The following CTSZ variants were observed in gnomAD, a reference collection of about 807,000 sequenced individuals.
CTSZ encodes the protein cathepsin Z.
A neutral mutation model predicts 32.4 loss-of-function variants in CTSZ; 39 were observed. That is an observed-to-expected ratio of 1.20 (90% CI 0.93 to 1.57). CTSZ has a LOEUF of 1.57. Among genes scored for constraint, CTSZ ranks in the 40% most tolerant of loss-of-function variants. The pLI, the probability that CTSZ is intolerant of heterozygous loss-of-function variation, is 0.00. For synonymous variants in CTSZ, 168 were observed against 170.1 expected (o/e 0.99, Z 0.10); for missense variants, 397 against 419.6 (o/e 0.95, Z 0.47).
chr20:59,005,062 G>C lies in CTSZ; in HGVS notation c.307+1260C>G, dbSNP rs75055005. On this transcript the variant is annotated intron_variant, in intron 2 of 5. Transcript: ENST00000217131. ...TCAAAGGCTCTTTCACTTCCTCAGC[G>C]GGTGCCAGGCCTGGACACTTCCCCT... Among the ~76,000 whole-genome samples, 1,295 of 152,052 alleles carry C rather than the reference G, an allele frequency of 8.5e-3. 21 individuals are homozygous for C. Among genetic ancestry groups the C allele is most frequent in the African/African-American group, 0.03 (1,240 of 41,438 alleles).
chr20:59,006,168 G>T (rs2091907932), intron 2 of CTSZ, 154 bp downstream of exon 2: 4 of 1,003,540 alleles, frequency 4.0e-6, no homozygotes, highest in Non-Finnish European at 4.3e-6. Context: ...TCAGCAGAGG[G>T]CAAAGGCCCG....
rs146079415 is a variant in CTSZ at position 59,002,603 on chromosome 20, C to CGCT, written c.308-962_308-960dup. The stretch of plus-strand genomic sequence containing the variant: ...GACTCTCCCACACTGCCCCACAGTC[C>CGCT]GCTCCTCCACCTGGCCTCCTCCCGG... On this transcript the variant is annotated intron_variant, in intron 2 of 5. Transcript: ENST00000217131. The surrounding 1 kb of genome is among the most constrained non-coding windows in gnomAD (Gnocchi z 4.1). 8.9e-3 allele frequency among the ~76,000 whole-genome samples: 1,361 copies of CGCT among 152,218 alleles called. 21 individuals are homozygous for CGCT. Among genetic ancestry groups the CGCT allele is most frequent in the African/African-American group, 0.032 (1,310 of 41,524 alleles).
In CTSZ at chr20:58,995,382, G is replaced by C. The variant is rs2091852515; in HGVS notation, c.*267C>G. 1 of 394,480 alleles carries C rather than the reference G, an allele frequency of 2.5e-6. No homozygotes were observed. The highest frequency in any genetic ancestry group is 4.2e-5 in the East Asian group (1 of 24,032). The allele number at this position is 394,480 out of a possible 1,614,324, so 24.4% of individuals were successfully genotyped here. A position where few individuals can be genotyped will look rare whatever the true frequency, so the allele number is the denominator to read the frequency against. On this transcript the variant is annotated 3_prime_UTR_variant, in exon 6 of 6. Coordinates refer to ENST00000217131, the MANE Select transcript of CTSZ (RefSeq NM_001336.4). ...AAGTCCTCTGCTGAAGAAGACTGAGGTCCCATCGTTTCCTGTGTCGCAGGT... is the reference window on the plus strand; with the variant it reads ...AAGTCCTCTGCTGAAGAAGACTGAGCTCCCATCGTTTCCTGTGTCGCAGGT...
chr20:59,003,703 G>A (rs1013992062), intron 2 of CTSZ, among the ~76,000 whole-genome samples: 6 of 152,192 alleles, frequency 3.9e-5, no homozygotes, highest in African/African-American at 1.4e-4. Flanking sequence ...ATAGGAGGGA[G>A]GGAGGGAGCC....
chr20:58,996,305 C>A (rs1214982435), intron 5 of CTSZ, among the ~76,000 whole-genome samples: 1 of 152,152 alleles, frequency 6.6e-6, no homozygotes, highest in Non-Finnish European at 1.5e-5. Flanking sequence ...GGTGGCAGAG[C>A]CCCTCTCCAG....
intron 3 of CTSZ, among the ~76,000 whole-genome samples, chr20:59,000,134 T>G (rs1028484228): frequency 6.6e-6 from 1 of 151,752 alleles, no homozygotes; most frequent in Non-Finnish European, 1.5e-5. Flanking sequence ...TCCCACCATT[T>G]TGGGAGGCCA....
chr20:58,995,428 G>C lies in CTSZ; in HGVS notation c.*221C>G, dbSNP rs990447351. The C allele has an allele frequency of 1.7e-5, 8 of 465,222 alleles. No individual in the cohort carries two copies. The highest frequency in any genetic ancestry group is 7.8e-5 in the Admixed American group (2 of 25,568). The allele number at this position is 465,222 out of a possible 1,614,324, so 28.8% of individuals were successfully genotyped here. A position where few individuals can be genotyped will look rare whatever the true frequency, so the allele number is the denominator to read the frequency against. On this transcript the variant is annotated 3_prime_UTR_variant, in exon 6 of 6. Coordinates refer to ENST00000217131, the MANE Select transcript of CTSZ (RefSeq NM_001336.4). ...CAGGTCACTTCTTCACCAGGTGGCTGACTGCATCATTGTGAGGCAGAGCCA... is the reference window on the plus strand; with the variant it reads ...CAGGTCACTTCTTCACCAGGTGGCTCACTGCATCATTGTGAGGCAGAGCCA...
chr20:59,004,135 C>A lies in CTSZ; in HGVS notation c.307+2187G>T, dbSNP rs2091900217. Among the ~76,000 whole-genome samples the A allele has an allele frequency of 6.6e-6, 1 of 152,266 alleles. No homozygotes were observed. Among genetic ancestry groups the A allele is most frequent in the South Asian group, 2.1e-4 (1 of 4,826 alleles). On this transcript the variant is annotated intron_variant, in intron 2 of 5. Transcript: ENST00000217131. The surrounding 1 kb of genome is among the most constrained non-coding windows in gnomAD (Gnocchi z 5.6). ...TTTGCCTGCATAGCCGGAAGGACAG[C>A]CAGGGAGGACTGGGGAAGAAATGGG...
chr20:59,001,710 G>C (rs2091890459), intron 2 of CTSZ, 66 bp from the exon 3 acceptor site: 2 of 1,537,294 alleles, frequency 1.3e-6, no homozygotes, highest in African/African-American at 1.4e-5. Flanking sequence ...GAACGGACCT[G>C]GACGCCTCAG....
intron 3 of CTSZ, among the ~76,000 whole-genome samples, chr20:58,998,546 C>CAAAAAAAA (rs148092871): frequency 3.1e-5 from 4 of 129,132 alleles, no homozygotes; most frequent in African/African-American, 9.0e-5. Flanking sequence ...GACTCCGTCT[C>CAAAAAAAA]AAAAAAAAAG....
rs745741792 is a variant in CTSZ at position 58,997,697 on chromosome 20, T to C, written c.544A>G (p.Ile182Val). 3.1e-6 allele frequency: 5 copies of C among 1,610,672 alleles called. No homozygotes were observed. Among genetic ancestry groups the C allele is most frequent in the Non-Finnish European group, 4.2e-6 (5 of 1,178,434 alleles). Residue 182 changes from isoleucine to valine, a missense_variant, in exon 4 of 6, where the codon ATC becomes GTC. Physicochemically the swap from Ile to Val is conservative, Grantham distance 29. Transcript: ENST00000217131. The part of the protein sequence containing the change: ...TCNEFKECHA[I>V]RNYTLWRVGD... ...ACCCTCCAGAGGGTGTAGTTCCGGATGGCGTGGCACTCTTTGAATTCATTG... is the reference window on the plus strand; with the variant it reads ...ACCCTCCAGAGGGTGTAGTTCCGGACGGCGTGGCACTCTTTGAATTCATTG...
chr20:59,007,135 G>T lies in CTSZ; in HGVS notation c.-7C>A. The stretch of plus-strand genomic sequence containing the variant: ...CTGGCCCGCGCCTCGCCATGGCCCC[G>T]CGCCGGCTCCTGGGTCCCGCTCCGG... On this transcript the variant is annotated 5_prime_UTR_variant, in exon 1 of 6. Transcript: ENST00000217131. 1 of 1,353,888 alleles carries T rather than the reference G, an allele frequency of 7.4e-7. No individual in the cohort carries two copies. The highest frequency in any genetic ancestry group is 9.4e-7 in the Non-Finnish European group (1 of 1,061,140). 83.9% of individuals were successfully genotyped at this position (1,353,888 alleles called of 1,614,324 possible).
At chr20:58,998,335 G>A (rs1313052918) in intron 3 of CTSZ, among the ~76,000 whole-genome samples, 1 of 152,158 alleles carries the variant, frequency 6.6e-6, no homozygotes, top group Non-Finnish European at 1.5e-5. Context: ...GAGGTCAGGA[G>A]TTTGAGACCA....
intron 4 of CTSZ, 97 bp downstream of exon 4, chr20:58,997,506 G>T: frequency 7.9e-7 from 1 of 1,261,528 alleles, no homozygotes; most frequent in Non-Finnish European, 1.1e-6. Flanking sequence ...CACTGGCGCT[G>T]TCACCGCGGA....
intron 3 of CTSZ, among the ~76,000 whole-genome samples, 185 bp from the exon 4 acceptor site, chr20:58,997,938 A>C (rs1476971648): frequency 6.6e-6 from 1 of 152,210 alleles, no homozygotes; most frequent in Non-Finnish European, 1.5e-5. Context: ...GGAGTTATGA[A>C]AAGCCCTTCC....
intron 1 of CTSZ, 112 bp downstream of exon 1, chr20:59,006,874 C>T (rs1052724901): frequency 1.3e-5 from 12 of 958,672 alleles, no homozygotes; most frequent in African/African-American, 1.7e-5. Flanking sequence ...GCGGCTGGAT[C>T]TGACCTTCCA....
At chr20:59,006,697 G>A (rs570939326) in intron 1 of CTSZ, among the ~76,000 whole-genome samples, 3 of 152,342 alleles carry the variant, frequency 2.0e-5, no homozygotes, top group African/African-American at 7.2e-5. Flanking sequence ...ACCCCCGAAA[G>A]GAGGGAACCG....
rs981575024 is a variant in CTSZ, at chr20:58,995,419, C to G, written c.*230G>C. 4.4e-6 allele frequency: 2 copies of G among 459,112 alleles called. No homozygotes were observed. The highest frequency in any genetic ancestry group is 4.0e-5 in the African/African-American group (2 of 49,958). The allele number at this position is 459,112 out of a possible 1,614,324, so 28.4% of individuals were successfully genotyped here. On this transcript the variant is annotated 3_prime_UTR_variant, in exon 6 of 6. Transcript: ENST00000217131. ...CCTGTGTCGCAGGTCACTTCTTCACCAGGTGGCTGACTGCATCATTGTGAG... is the reference window on the plus strand; with the variant it reads ...CCTGTGTCGCAGGTCACTTCTTCACGAGGTGGCTGACTGCATCATTGTGAG...
At chr20:59,003,421 T>G (rs566780916) in intron 2 of CTSZ, among the ~76,000 whole-genome samples, 1 of 152,342 alleles carries the variant, frequency 6.6e-6, no homozygotes, top group South Asian at 2.1e-4. Flanking sequence ...ACTCACACTG[T>G]GGGCTAACAC....
Sources: gnomAD v4.1 joint callset for allele counts (sites outside exome capture counted in the v4.1 genomes callset) on GRCh38, gnomAD v4.1.1 for gene constraint, Gnocchi (gnomAD v3.1) non-coding constraint, MANE v1.5 for transcripts, NCBI Gene and HGNC (gene_info 2026-07-23, HGNC 2026-07-21) for gene names.